FIGN: variants seen among roughly 807,000 people sequenced by gnomAD.
FIGN encodes fidgetin, microtubule severing factor.
Under a neutral mutation model 51.3 loss-of-function variants are expected in FIGN, and 11 were observed. The ratio of observed to expected loss-of-function variants is 0.21; its 90% CI spans 0.13 to 0.35. FIGN has a LOEUF of 0.35. FIGN is among the 10% of genes least tolerant of loss of function. FIGN has a pLI of 1.00. For synonymous variants in FIGN, 407 were observed against 363.2 expected (o/e 1.12, Z -1.37); for missense variants, 857 against 943.6 (o/e 0.91, Z 1.20).
chr2:163,722,659 A>G (rs192979014), intron 2 of FIGN, among the ~76,000 whole-genome samples: 25 of 152,268 alleles, frequency 1.6e-4, no homozygotes, highest in Middle Eastern at 6.8e-3. Context: ...GTTTTTTATA[A>G]AAGAGTTTAA....
At chr2:163,698,303 C>T (rs538184377) in intron 2 of FIGN, among the ~76,000 whole-genome samples, 40 of 151,990 alleles carry the variant, frequency 2.6e-4, no homozygotes, top group Non-Finnish European at 3.2e-4. Context: ...AATGGAATTG[C>T]GAGAGGATAG....
intron 2 of FIGN, among the ~76,000 whole-genome samples, chr2:163,706,163 C>T (rs762178431): frequency 1.3e-5 from 2 of 152,160 alleles, no homozygotes; most frequent in Non-Finnish European, 2.9e-5. Context: ...CGCAAATTTA[C>T]ACTTTATGGC....
At chr2:163,696,746 C>T (rs1178821123) in intron 2 of FIGN, among the ~76,000 whole-genome samples, 1 of 152,044 alleles carries the variant, frequency 6.6e-6, no homozygotes, top group Non-Finnish European at 1.5e-5. Flanking sequence ...CAGCTCACTG[C>T]AGCCTCAATC....
At chr2:163,621,063 C>T (rs1250217799) in intron 2 of FIGN, among the ~76,000 whole-genome samples, 2 of 152,130 alleles carry the variant, frequency 1.3e-5, no homozygotes, top group Non-Finnish European at 2.9e-5. Flanking sequence ...CCTCTGGAAC[C>T]ATACTCTAAA....
intron 2 of FIGN, among the ~76,000 whole-genome samples, chr2:163,714,760 T>C (rs1684643105): frequency 6.6e-6 from 1 of 152,200 alleles, no homozygotes; most frequent in Non-Finnish European, 1.5e-5. Flanking sequence ...TAAAGCAGCT[T>C]CTTGAAAATT....
At chr2:163,721,080 C>T (rs922816911) in intron 2 of FIGN, among the ~76,000 whole-genome samples, 9 of 152,156 alleles carry the variant, frequency 5.9e-5, no homozygotes, top group African/African-American at 2.2e-4. Context: ...ATGGTTCATA[C>T]TTTGTGGCCA....
chr2:163,611,421 T>C lies in FIGN; in HGVS notation c.411A>G (p.Ser137=). The change falls in exon 3 of 3, where the codon TCA becomes TCG. Residue 137 remains serine (S), a synonymous_variant. Coordinates refer to ENST00000333129, the MANE Select transcript of FIGN (RefSeq NM_018086.4). The part of the protein sequence containing the change: ...VITASKAGVS[S]ALPPADVSAS... ...CAGAGACATCTGCTGGAGGGAGGGC[T>C]GAACTGACTCCAGCTTTGCTGGCAG... The C allele has an allele frequency of 2.5e-6, 4 of 1,614,150 alleles. No individual in the cohort carries two copies. The highest frequency in any genetic ancestry group is 3.4e-6 in the Non-Finnish European group (4 of 1,180,010).
At chr2:163,728,390 AC>A (rs1490121415) in intron 2 of FIGN, among the ~76,000 whole-genome samples, 1 of 123,270 alleles carries the variant, frequency 8.1e-6, no homozygotes, top group Non-Finnish European at 1.7e-5. Flanking sequence ...CTGCATGCAA[AC>A]CATTAAACAC....
Position 163,681,898 on chromosome 2 carries a change from AT to A in FIGN, c.25+53004del, listed in dbSNP as rs1206611954. 3.9e-5 allele frequency among the ~76,000 whole-genome samples: 6 copies of A among 152,326 alleles called. No individual in the cohort carries two copies. In the East Asian group the frequency reaches 1.2e-3, roughly 29 times the overall value. On this transcript the variant is annotated intron_variant, in intron 2 of 2. Transcript: ENST00000333129. Reference sequence around the variant, plus strand: ...AACACTCTTTTTTCTTCAAAAGACAATTCTCACTAGTCCAGCCAGGAAATGT... The same window carrying A: ...AACACTCTTTTTTCTTCAAAAGACAATCTCACTAGTCCAGCCAGGAAATGT...
chr2:163,725,093 CA>C (rs1305952207), intron 2 of FIGN, among the ~76,000 whole-genome samples: 4 of 152,086 alleles, frequency 2.6e-5, no homozygotes, highest in African/African-American at 7.2e-5. Context: ...TCCATGACAA[CA>C]AATGCTGCTT....
At chr2:163,689,236 G>A (rs1445844895) in intron 2 of FIGN, among the ~76,000 whole-genome samples, 1 of 149,146 alleles carries the variant, frequency 6.7e-6, no homozygotes, top group East Asian at 2.0e-4. Context: ...TGAGAGGCTG[G>A]AGCAAAATCA....
At chr2:163,651,385 C>T (rs2105321799) in intron 2 of FIGN, among the ~76,000 whole-genome samples, 1 of 152,218 alleles carries the variant, frequency 6.6e-6, no homozygotes, top group African/African-American at 2.4e-5. Context: ...TCATTTGAAC[C>T]TGGGAGGTTG....
chr2:163,734,924 T>C lies in FIGN; in HGVS notation c.4A>G (p.Ile2Val). The C allele has an allele frequency of 6.2e-7, 1 of 1,611,530 alleles. No individual in the cohort carries two copies. Among genetic ancestry groups the C allele is most frequent in the Non-Finnish European group, 8.5e-7 (1 of 1,179,114 alleles). Residue 2 changes from isoleucine to valine, a missense_variant, in exon 2 of 3, where the codon ATC becomes GTC. This residue lies in a region of FIGN where 56 missense variants were observed against 75.3 expected (regional missense o/e 0.74). Transcript: ENST00000333129. ...ATACCATAAACACTGGTGCTACTGATCATTTCTTGCTGGCAGCACAAAAAG... is the reference window on the plus strand; with the variant it reads ...ATACCATAAACACTGGTGCTACTGACCATTTCTTGCTGGCAGCACAAAAAG... MISSTSVYGLKM... is the reference protein window; with the variant it reads MVSSTSVYGLKM...
intron 2 of FIGN, among the ~76,000 whole-genome samples, chr2:163,702,031 C>T (rs1684415328): frequency 6.6e-6 from 1 of 152,132 alleles, no homozygotes; most frequent in Non-Finnish European, 1.5e-5. Flanking sequence ...AAAAATAGAA[C>T]CAGTGCTGTC....
At chr2:163,716,099 T>C (rs908896411) in intron 2 of FIGN, among the ~76,000 whole-genome samples, 4 of 152,234 alleles carry the variant, frequency 2.6e-5, no homozygotes, top group Admixed American at 6.5e-5. Context: ...ACTTAAACTA[T>C]AGTTGTCTGT....
chr2:163,643,812 A>T (rs1238459997), intron 2 of FIGN, among the ~76,000 whole-genome samples: 1 of 150,928 alleles, frequency 6.6e-6, no homozygotes, highest in Non-Finnish European at 1.5e-5. Context: ...TGCACCTGCA[A>T]CTCTGGCAAC....
intron 2 of FIGN, among the ~76,000 whole-genome samples, chr2:163,644,295 G>A (rs1013078072): frequency 1.2e-4 from 18 of 152,020 alleles, no homozygotes; most frequent in African/African-American, 4.3e-4. Flanking sequence ...TTTCTCCAAG[G>A]AAGACATCTA....
chr2:163,712,383 G>A (rs996048084), intron 2 of FIGN, among the ~76,000 whole-genome samples: 13 of 152,002 alleles, frequency 8.6e-5, no homozygotes, highest in African/African-American at 3.1e-4. Context: ...ACAAAAAAAG[G>A]ACACACTGTA....
At chr2:163,660,149 A>G (rs1267677839) in intron 2 of FIGN, among the ~76,000 whole-genome samples, 1 of 152,074 alleles carries the variant, frequency 6.6e-6, no homozygotes, top group African/African-American at 2.4e-5. Flanking sequence ...GGAAAAAATG[A>G]CTTATCACAG....
Sources: gnomAD v4.1 joint callset for allele counts (sites outside exome capture counted in the v4.1 genomes callset) on GRCh38, gnomAD v4.1.1 for gene constraint, gnomAD v4.1.1 regional missense constraint, MANE v1.5 for transcripts, NCBI Gene and HGNC (gene_info 2026-07-23, HGNC 2026-07-21) for gene names.